Variants in MKLN1 observed in about 807,000 individuals in gnomAD.
MKLN1 encodes the protein muskelin.
Under a neutral mutation model 99.0 loss-of-function variants are expected in MKLN1, and 18 were observed. The observed-to-expected ratio is 0.18, with a 90% CI of 0.13 to 0.27. The LOEUF is 0.27. Among genes scored for constraint, MKLN1 ranks in the 10% least tolerant of loss-of-function variants. The pLI is 1.00. For synonymous variants in MKLN1, 288 were observed against 293.2 expected, an observed-to-expected ratio of 0.98 and a Z score of 0.18; for missense variants, 621 against 875.9, an observed-to-expected ratio of 0.71 and a Z score of 3.67.
At chr7:131,265,517 A>G (rs1238988382) in intron 3 of MKLN1, among the ~76,000 whole-genome samples, 2 of 152,004 alleles carry the variant, frequency 1.3e-5, no homozygotes, top group African/African-American at 2.4e-5. Context: ...ATGCCTACCA[A>G]ATGCTATGTT....
At chr7:131,143,630 A>G (rs1795773354) in intron 2 of MKLN1, among the ~76,000 whole-genome samples, 1 of 152,184 alleles carries the variant, frequency 6.6e-6, no homozygotes. Context: ...ATCCAAGATC[A>G]GCCTGGGCAA....
chr7:131,407,431 C>A (rs1462672182), intron 6 of MKLN1, among the ~76,000 whole-genome samples: 1 of 151,790 alleles, frequency 6.6e-6, no homozygotes, highest in Non-Finnish European at 1.5e-5. Flanking sequence ...AAATTCATTT[C>A]TTTTCCTTTT....
chr7:131,117,435 A>AAAC (rs35789698), intron 1 of MKLN1, among the ~76,000 whole-genome samples: 119,888 of 148,912 alleles, frequency 0.81, 49,105 homozygotes, highest in Non-Finnish European at 0.89. Context: ...ATCTCAGGAA[A>AAAC]AACAACAACA....
chr7:131,240,442 A>G (rs1467905512), intron 3 of MKLN1, among the ~76,000 whole-genome samples: 1 of 152,200 alleles, frequency 6.6e-6, no homozygotes, highest in Non-Finnish European at 1.5e-5. Context: ...AGAGATCTCA[A>G]TAACTATCAT....
chr7:131,131,050 T>TC (rs1795542943), intron 1 of MKLN1, among the ~76,000 whole-genome samples: 1 of 9,336 alleles, frequency 1.1e-4, no homozygotes, highest in South Asian at 3.7e-3. Flanking sequence ...AGACCCTGTC[T>TC]CAAAAAAAAA....
intron 3 of MKLN1, among the ~76,000 whole-genome samples, chr7:131,206,497 T>C (rs1796811293): frequency 6.6e-6 from 1 of 151,246 alleles, no homozygotes; most frequent in Non-Finnish European, 1.5e-5. Context: ...TTTAAACATA[T>C]ATGTTTATTT....
intron 8 of MKLN1, among the ~76,000 whole-genome samples, chr7:131,418,623 A>T (rs1013910464): frequency 6.6e-6 from 1 of 152,206 alleles, no homozygotes; most frequent in African/African-American, 2.4e-5. Context: ...CAAGCTTGAG[A>T]TAAGTGGTAG....
intron 3 of MKLN1, among the ~76,000 whole-genome samples, chr7:131,262,639 C>A (rs1471578346): frequency 2.0e-5 from 3 of 151,944 alleles, no homozygotes; most frequent in African/African-American, 4.8e-5. Context: ...CAACCTCCAC[C>A]TCCTGGGTTC....
In MKLN1 at chr7:131,491,379, T is replaced by C. The variant is rs1584795649; in HGVS notation, c.*3651T>C. ...GTGAAGGCTGCCCAGAAAAAGTTTATGGCTGGAGGAGTATCATACAGTGTC... is the reference window on the plus strand; with the variant it reads ...GTGAAGGCTGCCCAGAAAAAGTTTACGGCTGGAGGAGTATCATACAGTGTC... On this transcript the variant is annotated 3_prime_UTR_variant, in exon 18 of 18. Transcript: ENST00000352689. 6.6e-6 allele frequency: 1 copy of C among 152,272 alleles called. No individual in the cohort carries two copies. The highest frequency in any genetic ancestry group is 2.4e-5 in the African/African-American group (1 of 41,570). 9.4% of individuals were successfully genotyped at this position (152,272 alleles called of 1,614,324 possible). A position where few individuals can be genotyped will look rare whatever the true frequency, so the allele number is the denominator to read the frequency against.
chr7:131,138,937 G>A (rs4731756), intron 1 of MKLN1, among the ~76,000 whole-genome samples: 47,949 of 152,056 alleles, frequency 0.32, 9,300 homozygotes, highest in Non-Finnish European at 0.45. Context: ...ATCAAGTCAT[G>A]CTGCTAGCTT....
chr7:131,209,395 G>A (rs1172227931), intron 3 of MKLN1, among the ~76,000 whole-genome samples: 1 of 152,212 alleles, frequency 6.6e-6, no homozygotes, highest in East Asian at 1.9e-4. Context: ...TGGCGGCTTG[G>A]TCTAGGATAC....
intron 3 of MKLN1, among the ~76,000 whole-genome samples, chr7:131,313,235 G>A (rs189077603): frequency 6.6e-6 from 1 of 152,234 alleles, no homozygotes; most frequent in East Asian, 1.9e-4. Flanking sequence ...ATTTGGGTTG[G>A]TTATATTATT....
intron 1 of MKLN1, among the ~76,000 whole-genome samples, chr7:131,337,234 C>T (rs2116712690): frequency 1.3e-5 from 2 of 152,214 alleles, no homozygotes; most frequent in South Asian, 4.1e-4. Flanking sequence ...TTTCTGGCAC[C>T]TCTTGAATTT....
intron 8 of MKLN1, among the ~76,000 whole-genome samples, chr7:131,420,416 A>C (rs1317239527): frequency 6.6e-6 from 1 of 152,202 alleles, no homozygotes; most frequent in Admixed American, 6.5e-5. Flanking sequence ...GATGACTTAA[A>C]GTTTTGACCT....
At chr7:131,467,046 T>C (rs986370414) in intron 15 of MKLN1, among the ~76,000 whole-genome samples, 2 of 152,316 alleles carry the variant, frequency 1.3e-5, no homozygotes, top group Middle Eastern at 3.4e-3. Context: ...TGTAGTGTTA[T>C]ATGGTAATAA....
upstream of MKLN1, chr7:131,323,591 A>G (rs773415966): frequency 6.6e-6 from 1 of 152,136 alleles, no homozygotes; most frequent in African/African-American, 2.4e-5. Flanking sequence ...ACAAGACAGT[A>G]CCCCATAAAT....
chr7:131,122,500 C>T (rs766355390), intron 1 of MKLN1, among the ~76,000 whole-genome samples: 6 of 152,058 alleles, frequency 3.9e-5, no homozygotes, highest in Non-Finnish European at 7.4e-5. Context: ...ACGAAAAGGG[C>T]AATTTGCTTT....
intron 6 of MKLN1, among the ~76,000 whole-genome samples, chr7:131,408,287 T>A (rs1237359798): frequency 6.6e-6 from 1 of 152,166 alleles, no homozygotes; most frequent in Admixed American, 6.6e-5. Context: ...TTGCCCTTTT[T>A]TTCAGAATTT....
intron 8 of MKLN1, among the ~76,000 whole-genome samples, chr7:131,421,591 A>G (rs1224057308): frequency 2.0e-5 from 3 of 152,190 alleles, no homozygotes; most frequent in African/African-American, 4.8e-5. Flanking sequence ...GTTAAATGAA[A>G]TAATGTATTT....
Sources: gnomAD v4.1 joint callset for allele counts (sites outside exome capture counted in the v4.1 genomes callset) on GRCh38, gnomAD v4.1.1 for gene constraint, MANE v1.5 for transcripts, NCBI Gene and HGNC (gene_info 2026-07-23, HGNC 2026-07-21) for gene names.